PTPDC1: variants seen among roughly 807,000 people sequenced by gnomAD.
PTPDC1 encodes protein tyrosine phosphatase domain containing 1.
Under a neutral mutation model 75.3 loss-of-function variants are expected in PTPDC1, and 53 were observed. That is an observed-to-expected ratio of 0.70 (90% confidence interval 0.56 to 0.88). The LOEUF is 0.88. Ranked by LOEUF, PTPDC1 falls within the 40% of genes least tolerant of loss-of-function variation. PTPDC1 has a pLI of 0.00. For missense variants in PTPDC1, 925 were observed against 998.6 expected, an observed-to-expected ratio of 0.93 and a Z score of 0.99; for synonymous variants, 349 against 366.2, an observed-to-expected ratio of 0.95 and a Z score of 0.54.
At chr9:94,090,417 C>G (rs903542034) in intron 4 of PTPDC1, among the ~76,000 whole-genome samples, 20 of 151,054 alleles carry the variant, frequency 1.3e-4, no homozygotes, top group African/African-American at 4.2e-4. Flanking sequence ...TCTGAGGGCT[C>G]TGGTCTGTTC....
rs953336282 is a variant in PTPDC1 at position 94,107,980 on chromosome 9, C to T, written c.*36C>T. 1 of 1,254,814 alleles carries T rather than the reference C, an allele frequency of 8.0e-7. No individual in the cohort carries two copies. The highest frequency in any genetic ancestry group is 1.4e-5 in the South Asian group (1 of 70,550). 77.7% of individuals were successfully genotyped at this position (1,254,814 alleles called of 1,614,324 possible). ...TGGTGAATATTTCAGACCTAAAGATCCAGATAGTATCTCTGTTCATATGTG... is the reference window on the plus strand; with the variant it reads ...TGGTGAATATTTCAGACCTAAAGATTCAGATAGTATCTCTGTTCATATGTG... On this transcript the variant is annotated 3_prime_UTR_variant, in exon 9 of 9. Coordinates refer to ENST00000620992, the MANE Select transcript of PTPDC1 (RefSeq NM_001253829.2).
Position 94,108,845 on chromosome 9 carries a change from T to G in PTPDC1, c.*901T>G, listed in dbSNP as rs1016585890. 1 of 152,264 alleles carries G rather than the reference T, an allele frequency of 6.6e-6. No individual in the cohort carries two copies. The highest frequency in any genetic ancestry group is 1.9e-4 in the East Asian group (1 of 5,202). The allele number at this position is 152,264 out of a possible 1,614,324, so 9.4% of individuals were successfully genotyped here. The stretch of plus-strand genomic sequence containing the variant: ...GGATATTCGTGCAGGGCAGGGGCTC[T>G]GTGCCAGCCCTGCTCTCTCAGATGC... On this transcript the variant is annotated 3_prime_UTR_variant, in exon 9 of 9. Transcript: ENST00000620992.
At chr9:94,050,080 C>G (rs1041713189) in intron 1 of PTPDC1, among the ~76,000 whole-genome samples, 3 of 152,124 alleles carry the variant, frequency 2.0e-5, no homozygotes, top group Admixed American at 2.0e-4. Context: ...CCTTTAAGGA[C>G]TTATCTGCAT....
rs969038865 is a variant in PTPDC1, at chr9:94,096,809, G to A, written c.755-512G>A. On this transcript the variant is annotated intron_variant, in intron 5 of 8. Coordinates refer to ENST00000620992, the MANE Select transcript of PTPDC1 (RefSeq NM_001253829.2). Reference sequence around the variant, plus strand: ...AATAATCCCTAAAGAAGAAACTGCCGTGGTAGGGAGAGTGCCAAGCTGGGA... The same window carrying A: ...AATAATCCCTAAAGAAGAAACTGCCATGGTAGGGAGAGTGCCAAGCTGGGA... Among the ~76,000 whole-genome samples, 3 of 152,306 alleles carry A rather than the reference G, an allele frequency of 2.0e-5. No homozygotes were observed. The East Asian group carries it at 5.8e-4, about 29-fold the overall frequency.
chr9:94,042,644 C>A (rs1037189596), intron 1 of PTPDC1, among the ~76,000 whole-genome samples: 1 of 152,130 alleles, frequency 6.6e-6, no homozygotes, highest in Non-Finnish European at 1.5e-5. Context: ...GCTGACTGAT[C>A]GGGATAGACT....
intron 1 of PTPDC1, among the ~76,000 whole-genome samples, chr9:94,050,628 G>A (rs568146751): frequency 1.3e-5 from 2 of 152,212 alleles, no homozygotes; most frequent in African/African-American, 4.8e-5. Flanking sequence ...CCCCTACTGG[G>A]GGGTGCCTCC....
intron 1 of PTPDC1, among the ~76,000 whole-genome samples, chr9:94,040,810 T>C (rs1347000075): frequency 2.6e-5 from 4 of 152,204 alleles, no homozygotes; most frequent in Non-Finnish European, 1.5e-5. Flanking sequence ...TGCCAACACA[T>C]ATCTTTTCTA....
intron 6 of PTPDC1, among the ~76,000 whole-genome samples, chr9:94,099,590 A>G (rs552545651): frequency 6.6e-6 from 1 of 152,368 alleles, no homozygotes; most frequent in East Asian, 1.9e-4. Context: ...TTTGTTCTTC[A>G]GAATTGTGTT....
At chr9:94,048,382 C>G (rs990278817) in intron 1 of PTPDC1, among the ~76,000 whole-genome samples, 1 of 152,104 alleles carries the variant, frequency 6.6e-6, no homozygotes, top group Non-Finnish European at 1.5e-5. Flanking sequence ...TTGAATGTGT[C>G]CCAGAGATTC....
intron 1 of PTPDC1, among the ~76,000 whole-genome samples, chr9:94,047,582 G>T (rs1421567973): frequency 6.6e-6 from 1 of 152,062 alleles, no homozygotes; most frequent in African/African-American, 2.4e-5. Flanking sequence ...CAGAACTGAA[G>T]GAAATAGAGA....
rs55678942 is a variant in PTPDC1 at position 94,038,153 on chromosome 9, G to C, written c.-7+7026G>C. On this transcript the variant is annotated intron_variant, in intron 1 of 9. Transcript: ENST00000375360. Reference sequence around the variant, plus strand: ...CCATGGTCTCTTCGGGCAGAAGACAGGTCAGGCCGTTGGATTCTCTTACAC... The same window carrying C: ...CCATGGTCTCTTCGGGCAGAAGACACGTCAGGCCGTTGGATTCTCTTACAC... 6.5e-4 allele frequency: 415 copies of C among 638,902 alleles called. 3 individuals are homozygous for C. The African/African-American group carries it at 6.6e-3, about 10-fold the overall frequency. 39.6% of individuals were successfully genotyped at this position (638,902 alleles called of 1,614,324 possible).
chr9:94,046,607 G>A (rs367915528), intron 1 of PTPDC1, among the ~76,000 whole-genome samples: 97 of 152,180 alleles, frequency 6.4e-4, no homozygotes, highest in African/African-American at 2.1e-3. Flanking sequence ...CTTTGAAGCA[G>A]TTGTGAATGG....
Position 94,095,335 on chromosome 9 carries a change from G to C in PTPDC1, c.635G>C (p.Gly212Ala). Reference protein sequence around the residue: ...MEAGIYFYNFGWKDYGVASLT... With the variant: ...MEAGIYFYNFAWKDYGVASLT... Reference sequence around the variant, plus strand: ...TTCCTAGTTTACTTCTACAATTTCGGATGGAAGGATTATGGTGTAGCGTCT... The same window carrying C: ...TTCCTAGTTTACTTCTACAATTTCGCATGGAAGGATTATGGTGTAGCGTCT... The change falls in exon 5 of 9, where the codon GGA (glycine) becomes GCA (alanine). Residue 212 changes from glycine (G) to alanine (A), a missense_variant. Physicochemically the swap from Gly to Ala is moderately conservative, Grantham distance 60. Coordinates refer to ENST00000620992, the MANE Select transcript of PTPDC1 (RefSeq NM_001253829.2). The C allele has an allele frequency of 6.2e-7, 1 of 1,603,960 alleles. No homozygotes were observed. The highest frequency in any genetic ancestry group is 8.5e-7 in the Non-Finnish European group (1 of 1,176,374).
intron 2 of PTPDC1, among the ~76,000 whole-genome samples, chr9:94,085,915 T>C (rs1052610283): frequency 1.6e-4 from 25 of 152,294 alleles, no homozygotes; most frequent in African/African-American, 6.0e-4. Context: ...GTAGAAAACA[T>C]AAGATATTTG....
At chr9:94,038,835 A>C (rs1177600798) in intron 1 of PTPDC1, among the ~76,000 whole-genome samples, 1 of 152,190 alleles carries the variant, frequency 6.6e-6, no homozygotes, top group Non-Finnish European at 1.5e-5. Flanking sequence ...TTTTGGCCTT[A>C]ATTATGCCAA....
In PTPDC1 at chr9:94,101,698, A is replaced by C. The variant is rs201157952; in HGVS notation, c.2146A>C (p.Met716Leu). Reference sequence around the variant, plus strand: ...TGTAATCACCAAAGAGGATGTGGACATGTTGGTTGACAGGCGAGCAGATGC... The same window carrying C: ...TGTAATCACCAAAGAGGATGTGGACCTGTTGGTTGACAGGCGAGCAGATGC... ...EPVITKEDVD[M>L]LVDRRADAAE... The change falls in exon 7 of 9, where the codon ATG becomes CTG. Residue 716 changes from methionine to leucine, a missense_variant. Met to Leu is a conservative substitution (Grantham distance 15). Coordinates refer to ENST00000620992, the MANE Select transcript of PTPDC1 (RefSeq NM_001253829.2). 91 of 1,612,612 alleles carry C rather than the reference A, an allele frequency of 5.6e-5. No individual in the cohort carries two copies. Among genetic ancestry groups the C allele is most frequent in the Admixed American group, 8.3e-5 (5 of 59,922 alleles).
chr9:94,052,065 T>C (rs10821287), intron 1 of PTPDC1, among the ~76,000 whole-genome samples: 11,552 of 152,262 alleles, frequency 0.076, 590 homozygotes, highest in East Asian at 0.14. Context: ...AAAAATTATT[T>C]TTAATTGTAA....
chr9:94,050,914 G>A (rs894118718), intron 1 of PTPDC1, among the ~76,000 whole-genome samples: 11 of 152,256 alleles, frequency 7.2e-5, no homozygotes, highest in Non-Finnish European at 1.0e-4. Flanking sequence ...TGGCAATGGC[G>A]GGCGCCCCTC....
At chr9:94,049,685 A>G (rs1320918857) in intron 1 of PTPDC1, among the ~76,000 whole-genome samples, 1 of 151,980 alleles carries the variant, frequency 6.6e-6, no homozygotes, top group Non-Finnish European at 1.5e-5. Context: ...TCTGACAATT[A>G]TGTGTCTTGG....
Sources: allele counts gnomAD v4.1 joint callset (sites outside exome capture counted in the v4.1 genomes callset), GRCh38; gene constraint gnomAD v4.1.1; transcripts MANE v1.5; gene names NCBI Gene and HGNC (gene_info 2026-07-23, HGNC 2026-07-21).